EHMT1: variants seen among roughly 807,000 people sequenced by gnomAD.
EHMT1 encodes the protein euchromatic histone lysine methyltransferase 1.
Under a neutral mutation model 147.2 loss-of-function variants are expected in EHMT1, and 15 were observed. The observed-to-expected ratio is 0.10, with a 90% CI of 0.07 to 0.16. The LOEUF (loss-of-function observed/expected upper bound fraction) is 0.16. EHMT1 is among the 10% of genes least tolerant of loss of function. EHMT1 has a pLI of 1.00. For synonymous variants in EHMT1, 795 were observed against 709.6 expected (o/e 1.12, Z -1.91); for missense variants, 1,587 against 1,772.4 (o/e 0.90, Z 1.88).
intron 18 of EHMT1, among the ~76,000 whole-genome samples, chr9:137,808,682 G>A (rs868008344): frequency 1.5e-5 from 2 of 131,390 alleles, no homozygotes; most frequent in South Asian, 3.0e-4. Flanking sequence ...GGGGTGGGGG[G>A]GGCGCGTGGT....
intron 4 of EHMT1, among the ~76,000 whole-genome samples, chr9:137,734,061 G>A (rs551855918): frequency 6.6e-6 from 1 of 152,330 alleles, no homozygotes; most frequent in Admixed American, 6.5e-5. Context: ...GGATTCAAAT[G>A]TCCAGTTTTC....
intron 1 of EHMT1, among the ~76,000 whole-genome samples, chr9:137,643,318 G>A (rs1156302691): frequency 6.7e-6 from 1 of 150,096 alleles, no homozygotes; most frequent in Non-Finnish European, 1.5e-5. Flanking sequence ...CCTTTATGAA[G>A]GTAGTTTTGT....
At chr9:137,631,712 C>CA (rs1420489673) in intron 1 of EHMT1, among the ~76,000 whole-genome samples, 1 of 151,762 alleles carries the variant, frequency 6.6e-6, no homozygotes, top group Non-Finnish European at 1.5e-5. Flanking sequence ...CCTGTCTCTA[C>CA]AAAAAATAAT....
At position 137,680,098 on chromosome 9, in the gene EHMT1, A is replaced by G. The variant is rs117585059; in HGVS notation, c.22-30869A>G. On this transcript the variant is annotated intron_variant, in intron 1 of 26. Transcript: ENST00000460843. ...CTTCCTGCTGATGCGAAATGCCTCT[A>G]CGTTGTATCTGTATCTTGTATTGTG... Among the ~76,000 whole-genome samples the G allele has an allele frequency of 6.8e-4, 104 of 152,116 alleles. 1 individual carries two copies. In the East Asian group the frequency reaches 0.017, roughly 25 times the overall value.
intron 10 of EHMT1, 65 bp downstream of exon 10, chr9:137,762,885 G>A (rs1949939156): frequency 1.2e-6 from 2 of 1,606,812 alleles, no homozygotes; most frequent in African/African-American, 2.7e-5. Context: ...AGCCCAGCAG[G>A]GGCCCCGACA....
chr9:137,816,984 G>C (rs1030264302), intron 23 of EHMT1: 1 of 240,876 alleles, frequency 4.2e-6, no homozygotes, highest in African/African-American at 2.3e-5. Context: ...CCTTCCCCCA[G>C]CCCTGAGAAA....
rs374688564 is a variant in EHMT1, at chr9:137,782,410, G to T, written c.2382+13G>T. On this transcript the variant is annotated intron_variant, in intron 15 of 26. Transcript: ENST00000460843. This position sits in a 1 kb window ranked among gnomAD's most constrained non-coding sequence, Gnocchi z 5.7. ...CATGCTGGTTCAGGTGCGGCGGCAC[G>T]GCGCCCTCCTAGGGCTCTTCACCTG... The T allele has an allele frequency of 6.2e-7, 1 of 1,600,046 alleles. No individual in the cohort carries two copies. The highest frequency in any genetic ancestry group is 1.3e-5 in the African/African-American group (1 of 74,686).
chr9:137,743,643 T>C (rs763980896), intron 5 of EHMT1, 115 bp downstream of exon 5: 41 of 1,481,974 alleles, frequency 2.8e-5, no homozygotes, highest in Non-Finnish European at 3.6e-5. Context: ...GCCAGTGCCA[T>C]GAAGCTCCTC....
chr9:137,706,300 G>A (rs1944269796), intron 1 of EHMT1, among the ~76,000 whole-genome samples: 1 of 152,370 alleles, frequency 6.6e-6, no homozygotes, highest in Non-Finnish European at 1.5e-5. Flanking sequence ...CTGAGTCCAA[G>A]TAGTTTGCTC....
chr9:137,647,926 C>G (rs11137167), intron 1 of EHMT1, among the ~76,000 whole-genome samples: 2 of 151,968 alleles, frequency 1.3e-5, no homozygotes, highest in African/African-American at 2.4e-5. Context: ...CTCGCTCTCT[C>G]CTGCTTTCTT....
chr9:137,660,643 G>GT (rs1938979889), intron 1 of EHMT1, among the ~76,000 whole-genome samples: 1 of 152,184 alleles, frequency 6.6e-6, no homozygotes, highest in Non-Finnish European at 1.5e-5. Context: ...GATCAATTTT[G>GT]TGTGAATCCA....
intron 4 of EHMT1, among the ~76,000 whole-genome samples, chr9:137,737,621 A>C (rs1564664085): frequency 6.6e-6 from 1 of 152,152 alleles, no homozygotes; most frequent in Non-Finnish European, 1.5e-5. Flanking sequence ...TGGACATGAC[A>C]CCAAAAGTGT....
chr9:137,800,939 G>C lies in EHMT1; in HGVS notation c.2667G>C (p.Val889=). Residue 889 remains valine, a synonymous_variant, in exon 18 of 27, where the codon GTG becomes GTC. Transcript: ENST00000460843. The part of the protein sequence containing the change: ...WATEYKHVDL[V]KLLLSKGSDI... ...CAGAGTACAAGCACGTGGACCTCGTGAAGCTGCTGCTGTCCAAGGGCTCTG... is the reference window on the plus strand; with the variant it reads ...CAGAGTACAAGCACGTGGACCTCGTCAAGCTGCTGCTGTCCAAGGGCTCTG... The C allele has an allele frequency of 6.2e-7, 1 of 1,614,156 alleles. No homozygotes were observed. Among genetic ancestry groups the C allele is most frequent in the Non-Finnish European group, 8.5e-7 (1 of 1,180,024 alleles).
intron 18 of EHMT1, among the ~76,000 whole-genome samples, chr9:137,807,990 C>T (rs1954092889): frequency 6.6e-6 from 1 of 152,228 alleles, no homozygotes; most frequent in South Asian, 2.1e-4. Context: ...GCTAAGGACT[C>T]TTCTTCGTGT....
chr9:137,782,582 C>T lies in EHMT1; in HGVS notation c.2382+185C>T, dbSNP rs923781312. Among the ~76,000 whole-genome samples the T allele has an allele frequency of 2.6e-5, 4 of 152,188 alleles. No individual in the cohort carries two copies. Among genetic ancestry groups the T allele is most frequent in the South Asian group, 2.1e-4 (1 of 4,826 alleles). Reference sequence around the variant, plus strand: ...GATCAGTGCTTCCCGCTGTTTCTTCCGGCATTTACCACGGCCTTTGAGAAG... The same window carrying T: ...GATCAGTGCTTCCCGCTGTTTCTTCTGGCATTTACCACGGCCTTTGAGAAG... On this transcript the variant is annotated intron_variant, in intron 15 of 26. Coordinates refer to ENST00000460843, the MANE Select transcript of EHMT1 (RefSeq NM_024757.5). This position sits in a 1 kb window ranked among gnomAD's most constrained non-coding sequence, Gnocchi z 5.7.
chr9:137,711,098 CCT>C, intron 2 of EHMT1, 68 bp downstream of exon 2: 1 of 1,486,050 alleles, frequency 6.7e-7, no homozygotes, highest in Non-Finnish European at 9.1e-7. Flanking sequence ...TGCTGCTCTT[CCT>C]CTCTTATTAG....
intron 1 of EHMT1, among the ~76,000 whole-genome samples, chr9:137,657,649 C>T (rs751147886): frequency 6.6e-5 from 10 of 151,942 alleles, no homozygotes; most frequent in African/African-American, 1.2e-4. Context: ...TCACCTCAAG[C>T]GTTGATCCTG....
At chr9:137,658,318 T>C (rs1938699810) in intron 1 of EHMT1, among the ~76,000 whole-genome samples, 2 of 152,026 alleles carry the variant, frequency 1.3e-5, no homozygotes, top group African/African-American at 2.4e-5. Flanking sequence ...ACCCGGTTAA[T>C]TGTTGTATTT....
chr9:137,723,705 GTTTGGTAT>G (rs1946317163), intron 3 of EHMT1, among the ~76,000 whole-genome samples: 2 of 152,214 alleles, frequency 1.3e-5, no homozygotes, highest in African/African-American at 4.8e-5. Context: ...ATTTAGTCTT[GTTTGGTAT>G]TTTTTTAAAG....
Sources: gnomAD v4.1 joint callset for allele counts (sites outside exome capture counted in the v4.1 genomes callset) on GRCh38, gnomAD v4.1.1 for gene constraint, Gnocchi (gnomAD v3.1) non-coding constraint, MANE v1.5 for transcripts, NCBI Gene and HGNC (gene_info 2026-07-23, HGNC 2026-07-21) for gene names.